The following SLC2A9 variants were observed in gnomAD, a reference collection of about 807,000 sequenced individuals.
SLC2A9 encodes solute carrier family 2, facilitated glucose transporter member 9.
A neutral mutation model predicts 50.6 loss-of-function variants in SLC2A9; 39 were observed. The ratio of observed to expected loss-of-function variants is 0.77; its 90% CI spans 0.60 to 1.01. The LOEUF is 1.01. SLC2A9 is among the 50% of genes least tolerant of loss of function. SLC2A9 has a pLI of 0.00. For synonymous variants in SLC2A9, 324 were observed against 276.9 expected (o/e 1.17, Z -1.69); for missense variants, 686 against 677.6 (o/e 1.01, Z -0.14).
chr4:9,873,304 T>C (rs1239703960), intron 10 of SLC2A9, among the ~76,000 whole-genome samples: 1 of 152,178 alleles, frequency 6.6e-6, no homozygotes, highest in African/African-American at 2.4e-5. Context: ...TGATTATTTG[T>C]GGAATGGGGG....
At chr4:10,025,733 T>A (rs1183797632), upstream of SLC2A9, 2 of 631,030 alleles carry the variant, frequency 3.2e-6, no homozygotes, top group East Asian at 2.8e-5. Flanking sequence ...TCCCAGACAC[T>A]CTACAATCCC....
intron 5 of SLC2A9, among the ~76,000 whole-genome samples, chr4:9,958,201 A>G (rs1751633026): frequency 6.6e-6 from 1 of 152,276 alleles, no homozygotes; most frequent in Admixed American, 6.5e-5. Flanking sequence ...TAAGTATAGA[A>G]TAAAGACATT....
intron 3 of SLC2A9, among the ~76,000 whole-genome samples, chr4:9,819,229 G>A (rs972651355): frequency 2.0e-5 from 3 of 151,554 alleles, no homozygotes; most frequent in Admixed American, 2.0e-4. Flanking sequence ...GCTTCAGTCA[G>A]TAACAGAAAC....
chr4:9,881,483 G>T (rs897870368), intron 10 of SLC2A9, among the ~76,000 whole-genome samples: 1 of 152,204 alleles, frequency 6.6e-6, no homozygotes, highest in African/African-American at 2.4e-5. Flanking sequence ...CCTCTCCCAA[G>T]TTCCAAATTT....
chr4:9,919,974 GT>G (rs963320285), intron 7 of SLC2A9, among the ~76,000 whole-genome samples: 8 of 151,984 alleles, frequency 5.3e-5, no homozygotes, highest in African/African-American at 1.7e-4. Flanking sequence ...AAGCCTTGAG[GT>G]TTTTTTCAAG....
intron 3 of SLC2A9, among the ~76,000 whole-genome samples, chr4:9,995,245 C>T (rs1037013019): frequency 3.3e-5 from 5 of 152,168 alleles, no homozygotes; most frequent in Non-Finnish European, 5.9e-5. Flanking sequence ...GCATCTCTCA[C>T]TACATCATGC....
chr4:10,019,783 G>C (rs1407388760), intron 1 of SLC2A9, among the ~76,000 whole-genome samples: 1 of 152,272 alleles, frequency 6.6e-6, no homozygotes, highest in East Asian at 1.9e-4. Context: ...TGCAGACGTA[G>C]AGATGCAAGG....
chr4:9,780,048 A>T (rs1413345303), exon 4 of SLC2A9: 2 of 152,256 alleles, frequency 1.3e-5, no homozygotes, highest in Non-Finnish European at 2.9e-5. Context: ...GGAGTAGTGA[A>T]AGGAGAAGAA....
intron 6 of SLC2A9, among the ~76,000 whole-genome samples, chr4:9,939,917 T>C (rs1361396315): frequency 2.0e-5 from 3 of 152,214 alleles, no homozygotes; most frequent in Non-Finnish European, 4.4e-5. Flanking sequence ...TTCAATAAGC[T>C]ATTTCAACTT....
intron 7 of SLC2A9, among the ~76,000 whole-genome samples, chr4:9,914,440 G>A (rs1017278682): frequency 1.3e-5 from 2 of 152,226 alleles, no homozygotes; most frequent in African/African-American, 4.8e-5. Flanking sequence ...AGTGGAGGCA[G>A]AGGAATGAGC....
chr4:9,776,187 CT>C (rs75524600), downstream of SLC2A9, among the ~76,000 whole-genome samples: 3,243 of 141,854 alleles, frequency 0.023, 63 homozygotes, highest in Non-Finnish European at 0.031. Flanking sequence ...GTCTTTCTTT[CT>C]TTTTTTTTTT....
chr4:9,787,982 G>A (rs1719443077), intron 3 of SLC2A9, among the ~76,000 whole-genome samples: 1 of 152,206 alleles, frequency 6.6e-6, no homozygotes, highest in Non-Finnish European at 1.5e-5. Context: ...AGACTATGAA[G>A]ATATCCTATT....
intron 3 of SLC2A9, among the ~76,000 whole-genome samples, chr4:9,987,761 G>C (rs1273559904): frequency 6.6e-6 from 1 of 152,062 alleles, no homozygotes; most frequent in East Asian, 1.9e-4. Context: ...CCAGGAGGCA[G>C]AGATTGCAGT....
chr4:9,983,932 T>C (rs2109127152), intron 4 of SLC2A9, among the ~76,000 whole-genome samples: 1 of 152,324 alleles, frequency 6.6e-6, no homozygotes, highest in African/African-American at 2.4e-5. Flanking sequence ...CTGCTCCAGC[T>C]TTCTGAGCAT....
intron 3 of SLC2A9, chr4:9,782,109 TG>T: frequency 1.3e-6 from 2 of 1,546,230 alleles, no homozygotes; most frequent in Non-Finnish European, 8.7e-7. Flanking sequence ...GGGAACGCCG[TG>T]GGGGGCTCGG....
intron 1 of SLC2A9, among the ~76,000 whole-genome samples, chr4:10,029,565 ATT>A (rs11396953): frequency 3.6e-5 from 4 of 110,184 alleles, no homozygotes; most frequent in South Asian, 3.9e-4. Flanking sequence ...ATTTTATTTT[ATT>A]TATTTTATAT....
rs540964283 is a variant in SLC2A9, at chr4:9,969,811, C to T, written c.681+10781G>A. Among the ~76,000 whole-genome samples, 14 of 152,256 alleles carry T rather than the reference C, an allele frequency of 9.2e-5. No homozygotes were observed. In the South Asian group the frequency reaches 2.9e-3, roughly 32 times the overall value. ...GAGAACAGTATGGGAAAAATCCACC[C>T]CCATGATTCAATTATTTGCCACTGG... On this transcript the variant is annotated intron_variant, in intron 5 of 11. Transcript: ENST00000264784.
chr4:9,783,313 C>T (rs201092734), intron 3 of SLC2A9: 18 of 1,614,106 alleles, frequency 1.1e-5, no homozygotes, highest in Non-Finnish European at 1.4e-5. Context: ...TGGACAACGA[C>T]GAGGAGGAGG....
At chr4:9,872,443 A>C (rs1277619092) in intron 10 of SLC2A9, among the ~76,000 whole-genome samples, 3 of 152,200 alleles carry the variant, frequency 2.0e-5, no homozygotes, top group African/African-American at 7.2e-5. Context: ...CCAGTCTGTG[A>C]ATGTGCAGGA....
Sources: allele counts gnomAD v4.1 joint callset (sites outside exome capture counted in the v4.1 genomes callset), GRCh38; gene constraint gnomAD v4.1.1; transcripts MANE v1.5; gene names NCBI Gene and HGNC (gene_info 2026-07-23, HGNC 2026-07-21).